BLTP3B: variants seen among roughly 807,000 people sequenced by gnomAD.
The protein encoded by BLTP3B is bridge-like lipid transfer protein family member 3B.
the BLTP3B span, chr12:100,083,041 C>T: frequency 1.9e-6 from 3 of 1,613,538 alleles, no homozygotes; most frequent in South Asian, 3.3e-5. Flanking sequence ...ATCTGCAAGT[C>T]TAACCACAAC....
chr12:100,080,222 C>T, the BLTP3B span, among the ~76,000 whole-genome samples: 5 of 152,212 alleles, frequency 3.3e-5, no homozygotes, highest in Admixed American at 3.3e-4. Context: ...TCCACTGACA[C>T]CTTGCACCAT....
the BLTP3B span, among the ~76,000 whole-genome samples, chr12:100,079,659 G>A: frequency 6.6e-6 from 1 of 152,194 alleles, no homozygotes; most frequent in Non-Finnish European, 1.5e-5. Context: ...ATTCAAGCCA[G>A]CTACAGAAAT....
At chr12:100,062,249 C>T in the BLTP3B span, among the ~76,000 whole-genome samples, 2 of 152,320 alleles carry the variant, frequency 1.3e-5, no homozygotes, top group African/African-American at 4.8e-5. Flanking sequence ...AATATACTTA[C>T]GTTTGAGCAG....
At chr12:100,104,485 C>A in the BLTP3B span, among the ~76,000 whole-genome samples, 2 of 150,912 alleles carry the variant, frequency 1.3e-5, no homozygotes, top group African/African-American at 2.4e-5. Flanking sequence ...ATTACAGGCA[C>A]GCACCACCAT....
At chr12:100,070,313 T>G in the BLTP3B span, 1 of 997,780 alleles carries the variant, frequency 1.0e-6, no homozygotes. Context: ...TGAGACGGAG[T>G]TTCGCTCTTG....
At chr12:100,092,950 A>C in the BLTP3B span, 1 of 985,374 alleles carries the variant, frequency 1.0e-6, no homozygotes, top group Non-Finnish European at 1.2e-6. Flanking sequence ...TTATTGGCTA[A>C]CGGTACTACC....
the BLTP3B span, among the ~76,000 whole-genome samples, chr12:100,039,272 A>T: frequency 6.6e-6 from 1 of 152,206 alleles, no homozygotes; most frequent in Non-Finnish European, 1.5e-5. Flanking sequence ...AAATTAAGCA[A>T]ATACAGCAAT....
At chr12:100,111,593 G>GTT in the BLTP3B span, among the ~76,000 whole-genome samples, 8 of 149,680 alleles carry the variant, frequency 5.3e-5, no homozygotes, top group South Asian at 2.1e-4. Flanking sequence ...CTAGTTTTTT[G>GTT]TTTTTTTTTG....
At chr12:100,095,894 G>C in the BLTP3B span, 2 of 1,371,314 alleles carry the variant, frequency 1.5e-6, no homozygotes, top group Non-Finnish European at 1.9e-6. Context: ...CTTATAATAC[G>C]CTTGTATTAA....
chr12:100,049,719 TA>T, the BLTP3B span, among the ~76,000 whole-genome samples: 1 of 152,196 alleles, frequency 6.6e-6, no homozygotes, highest in African/African-American at 2.4e-5. Context: ...CACAAATTGG[TA>T]ATGGTTAGTG....
the BLTP3B span, chr12:100,037,231 T>C: frequency 1.0e-6 from 1 of 967,720 alleles, no homozygotes; most frequent in Non-Finnish European, 1.2e-6. Context: ...TTGTAAATAA[T>C]AGTAAATTAT....
the BLTP3B span, chr12:100,037,706 A>T: frequency 6.2e-7 from 1 of 1,611,350 alleles, no homozygotes; most frequent in African/African-American, 1.3e-5. Context: ...TGCAAGAGCC[A>T]TTTTAGCTTT....
At chr12:100,088,821 C>T in the BLTP3B span, 2 of 994,758 alleles carry the variant, frequency 2.0e-6, no homozygotes, top group Admixed American at 3.8e-5. Flanking sequence ...AATTATCTTA[C>T]AGGACATCCT....
At chr12:100,088,012 G>T in the BLTP3B span, among the ~76,000 whole-genome samples, 1 of 152,040 alleles carries the variant, frequency 6.6e-6, no homozygotes, top group African/African-American at 2.4e-5. Context: ...CCTCACCTTT[G>T]CCCCTCCAAC....
the BLTP3B span, among the ~76,000 whole-genome samples, chr12:100,094,030 T>C: frequency 6.6e-6 from 1 of 152,196 alleles, no homozygotes; most frequent in South Asian, 2.1e-4. Context: ...AAAACCTCTC[T>C]GTGTTTCTGT....
At chr12:100,105,490 G>A in the BLTP3B span, among the ~76,000 whole-genome samples, 1 of 152,186 alleles carries the variant, frequency 6.6e-6, no homozygotes, top group South Asian at 2.1e-4. Flanking sequence ...ATAGCCACAT[G>A]TAGAAGAATG....
At chr12:100,060,217 G>A in the BLTP3B span, among the ~76,000 whole-genome samples, 3 of 151,788 alleles carry the variant, frequency 2.0e-5, no homozygotes, top group South Asian at 2.1e-4. Context: ...CATTTAGATA[G>A]ACAAAAAAAA....
At chr12:100,121,356 A>G in the BLTP3B span, among the ~76,000 whole-genome samples, 2 of 112,924 alleles carry the variant, frequency 1.8e-5, no homozygotes, top group Non-Finnish European at 4.0e-5. Flanking sequence ...ATCTCATGGA[A>G]AAAAAAAAAA....
the BLTP3B span, among the ~76,000 whole-genome samples, chr12:100,111,277 A>ATTTTTTTT: frequency 1.3e-4 from 12 of 94,772 alleles, no homozygotes; most frequent in African/African-American, 1.7e-4. Context: ...GGGGTTTTAG[A>ATTTTTTTT]TTTTTTTTTT....
Sources: allele counts gnomAD v4.1 joint callset (sites outside exome capture counted in the v4.1 genomes callset), GRCh38; gene constraint gnomAD v4.1.1; transcripts MANE v1.5; gene names NCBI Gene and HGNC (gene_info 2026-07-23, HGNC 2026-07-21).